RARB: variants seen among roughly 807,000 people sequenced by gnomAD.
RARB encodes the protein retinoic acid receptor beta.
A neutral mutation model predicts 51.9 loss-of-function variants in RARB; 17 were observed. That is an observed-to-expected ratio of 0.33 (90% CI 0.22 to 0.49). The LOEUF is 0.49. Among genes scored for constraint, RARB ranks in the 20% least tolerant of loss-of-function variants. The probability of loss-of-function intolerance (pLI) is 0.99; values close to 1 mark genes in which losing one functional copy is unlikely to be tolerated. For missense variants in RARB, 369 were observed against 550.8 expected (o/e 0.67, Z 3.30); for synonymous variants, 215 against 195.4 (o/e 1.10, Z -0.84).
At chr3:25,371,960 G>T (rs6769856) in intron 5 of RARB, among the ~76,000 whole-genome samples, 64,968 of 152,018 alleles carry the variant, frequency 0.43, 14,433 homozygotes, top group East Asian at 0.78. Flanking sequence ...TGGGAATATC[G>T]GGGTGATGGG....
chr3:25,591,818 G>A (rs1202230735), intron 5 of RARB, among the ~76,000 whole-genome samples: 1 of 152,212 alleles, frequency 6.6e-6, no homozygotes, highest in East Asian at 1.9e-4. Context: ...TCTATAGGAT[G>A]TCCTGGTGCC....
chr3:25,210,990 T>A (rs1479733089), intron 5 of RARB, among the ~76,000 whole-genome samples: 1 of 152,194 alleles, frequency 6.6e-6, no homozygotes, highest in Non-Finnish European at 1.5e-5. Context: ...CTTCTGTGCC[T>A]CAGTTTCCTC....
chr3:25,249,948 T>C (rs1702669356), intron 5 of RARB, among the ~76,000 whole-genome samples: 1 of 61,772 alleles, frequency 1.6e-5, no homozygotes, highest in Admixed American at 1.2e-4. Context: ...ACCAGGTGGC[T>C]TTCTCTGGTG....
chr3:25,285,943 AAC>A (rs1405253184), intron 5 of RARB, among the ~76,000 whole-genome samples: 1 of 152,146 alleles, frequency 6.6e-6, no homozygotes, highest in Non-Finnish European at 1.5e-5. Flanking sequence ...TGTACACATA[AAC>A]ACAAACTCAA....
intron 1 of RARB, among the ~76,000 whole-genome samples, chr3:24,852,372 G>A (rs1441952073): frequency 6.6e-6 from 1 of 152,162 alleles, no homozygotes; most frequent in Non-Finnish European, 1.5e-5. Flanking sequence ...TGGAGGTCCA[G>A]TGATTGTGGA....
chr3:25,193,806 G>A (rs1025024585), intron 5 of RARB, among the ~76,000 whole-genome samples: 4 of 151,768 alleles, frequency 2.6e-5, no homozygotes, highest in Admixed American at 6.6e-5. Flanking sequence ...CTATATAAAC[G>A]TGCAATATTT....
intron 2 of RARB, among the ~76,000 whole-genome samples, chr3:24,963,853 A>G (rs1696196458): frequency 6.6e-6 from 1 of 152,056 alleles, no homozygotes; most frequent in Admixed American, 6.6e-5. Context: ...TAATCTTTAA[A>G]AGGAATTTCA....
chr3:24,961,969 G>A (rs963447548), intron 2 of RARB, among the ~76,000 whole-genome samples: 20 of 107,318 alleles, frequency 1.9e-4, no homozygotes, highest in Admixed American at 1.4e-3. Context: ...TTGCTCTGTC[G>A]CCCAGGCTAG....
chr3:25,197,258 G>A (rs770714279), intron 5 of RARB, among the ~76,000 whole-genome samples: 13 of 152,204 alleles, frequency 8.5e-5, no homozygotes, highest in Middle Eastern at 3.4e-3. Flanking sequence ...TGTAAGGAAG[G>A]GATCCAGTTT....
At chr3:25,083,690 T>G (rs1699053292) in intron 3 of RARB, among the ~76,000 whole-genome samples, 1 of 152,192 alleles carries the variant, frequency 6.6e-6, no homozygotes, top group Non-Finnish European at 1.5e-5. Context: ...TTTCCAGTAA[T>G]TACTGAGTGT....
At chr3:25,484,758 T>C (rs151163169) in intron 2 of RARB, among the ~76,000 whole-genome samples, 2 of 152,292 alleles carry the variant, frequency 1.3e-5, no homozygotes, top group African/African-American at 2.4e-5. Context: ...GAGTTTCTAT[T>C]TGGCCCTTTA....
intron 1 of RARB, among the ~76,000 whole-genome samples, chr3:25,439,888 A>C (rs545801808): frequency 5.3e-5 from 8 of 152,114 alleles, no homozygotes; most frequent in Admixed American, 1.3e-4. Flanking sequence ...CTAAATCTGT[A>C]AGACGCTAAC....
chr3:25,570,054 A>G, intron 4 of RARB, 136 bp downstream of exon 4: 5 of 1,274,466 alleles, frequency 3.9e-6, no homozygotes, highest in Non-Finnish European at 5.3e-6. Context: ...CTTGCATGCT[A>G]GCCAGCTGGG....
At chr3:25,109,398 A>G (rs1014412149) in intron 3 of RARB, among the ~76,000 whole-genome samples, 1 of 152,152 alleles carries the variant, frequency 6.6e-6, no homozygotes, top group African/African-American at 2.4e-5. Context: ...GCATTTTGGT[A>G]CTATGATCTG....
chr3:25,524,368 G>A (rs953107229), intron 3 of RARB, among the ~76,000 whole-genome samples: 7 of 152,170 alleles, frequency 4.6e-5, no homozygotes, highest in Non-Finnish European at 1.0e-4. Flanking sequence ...AGGTCAAGGT[G>A]TAGGCCAGAA....
At chr3:25,205,746 C>CTT (rs35271565) in intron 5 of RARB, among the ~76,000 whole-genome samples, 1 of 147,532 alleles carries the variant, frequency 6.8e-6, no homozygotes, top group Non-Finnish European at 1.5e-5. Context: ...TATTAAAAAC[C>CTT]TTTTTTTTTT....
intron 2 of RARB, among the ~76,000 whole-genome samples, chr3:25,048,703 T>A (rs1698265256): frequency 6.6e-6 from 1 of 151,874 alleles, no homozygotes; most frequent in Non-Finnish European, 1.5e-5. Context: ...TTCCATAATT[T>A]TAGGGGATTA....
chr3:25,264,712 T>C (rs1047878245), intron 5 of RARB, among the ~76,000 whole-genome samples: 3 of 152,168 alleles, frequency 2.0e-5, no homozygotes, highest in African/African-American at 7.2e-5. Flanking sequence ...AGAATCCTAC[T>C]AATAATATGG....
intron 1 of RARB, among the ~76,000 whole-genome samples, chr3:25,442,395 T>C (rs1708738330): frequency 6.6e-6 from 1 of 152,128 alleles, no homozygotes; most frequent in East Asian, 1.9e-4. Flanking sequence ...CGATCTTCCA[T>C]AGTGCTGGGA....
Sources: gnomAD v4.1 joint callset for allele counts (sites outside exome capture counted in the v4.1 genomes callset) on GRCh38, gnomAD v4.1.1 for gene constraint, MANE v1.5 for transcripts, NCBI Gene and HGNC (gene_info 2026-07-23, HGNC 2026-07-21) for gene names.